Variants in TTC38 observed in about 807,000 individuals in gnomAD.
TTC38 encodes tetratricopeptide repeat domain 38, also known as tetratricopeptide repeat protein 38.
TTC38 carries 64 observed loss-of-function variants against 64.2 expected under a neutral mutation model. That is an observed-to-expected ratio of 1.00 (90% confidence interval 0.81 to 1.23). TTC38 has a LOEUF of 1.23. TTC38 is among the 50% of genes most tolerant of loss of function. The probability of loss-of-function intolerance (pLI) is 0.00; values close to 1 mark genes in which losing one functional copy is unlikely to be tolerated. For missense variants in TTC38, 573 were observed against 615.5 expected (o/e 0.93, Z 0.73); for synonymous variants, 254 against 249.3 (o/e 1.02, Z -0.18).
At chr22:46,287,183 C>G in intron 10 of TTC38, 29 bp downstream of exon 10, 2 of 1,569,260 alleles carry the variant, frequency 1.3e-6, no homozygotes, top group Non-Finnish European at 1.7e-6. Flanking sequence ...CCACTGGCTT[C>G]TGCCTCTTCC....
intron 6 of TTC38, among the ~76,000 whole-genome samples, chr22:46,279,562 C>T (rs1037443202): frequency 1.3e-5 from 2 of 152,242 alleles, no homozygotes; most frequent in Non-Finnish European, 2.9e-5. Context: ...TCCCAACATC[C>T]TGGCTGGGGT....
At position 46,268,508 on chromosome 22, in the gene TTC38, C is replaced by T; in HGVS notation, c.34-6C>T. The T allele has an allele frequency of 1.9e-6, 3 of 1,614,092 alleles. No homozygotes were observed. The highest frequency in any genetic ancestry group is 2.5e-6 in the Non-Finnish European group (3 of 1,180,012). On this transcript the variant is annotated splice_polypyrimidine_tract_variant and splice_region_variant and intron_variant, in intron 1 of 13. Coordinates refer to ENST00000381031, the MANE Select transcript of TTC38 (RefSeq NM_017931.4). ...GGCACTGCTATTCCCTTCTTGCCGT[C>T]TGTAGGCCTGGAAGGATGCGAGGCT...
intron 10 of TTC38, among the ~76,000 whole-genome samples, chr22:46,287,864 G>A (rs1245746282): frequency 6.6e-6 from 1 of 152,236 alleles, no homozygotes; most frequent in Non-Finnish European, 1.5e-5. Flanking sequence ...CAGAGACAAG[G>A]GAAAGAGTTA....
intron 5 of TTC38, 115 bp from the exon 6 acceptor site, chr22:46,278,471 A>G: frequency 2.4e-6 from 2 of 849,304 alleles, no homozygotes; most frequent in Non-Finnish European, 4.0e-6. Flanking sequence ...ATTTCCAAAA[A>G]AGGTCACATT....
intron 11 of TTC38, 133 bp from the exon 12 acceptor site, chr22:46,289,269 G>GTCACC: frequency 8.5e-7 from 1 of 1,183,056 alleles, no homozygotes; most frequent in Non-Finnish European, 1.2e-6. Context: ...TGCCCCGCCT[G>GTCACC]TCACCTCACC....
chr22:46,268,635 A>G, intron 2 of TTC38, 44 bp downstream of exon 2: 1 of 1,576,666 alleles, frequency 6.3e-7, no homozygotes, highest in Non-Finnish European at 8.7e-7. Context: ...GTGGAGGTCT[A>G]GGGGAAGGTT....
In TTC38 at chr22:46,276,695, A is replaced by G. The variant is rs114818420; in HGVS notation, c.539+1274A>G. ...CCTGGGCAGCAGAGCAAGACTCTGT[A>G]TCTAAAAGAATATATATATTAAAAA... On this transcript the variant is annotated intron_variant, in intron 5 of 13. Coordinates refer to ENST00000381031, the MANE Select transcript of TTC38 (RefSeq NM_017931.4). This position sits in a 1 kb window ranked among gnomAD's most constrained non-coding sequence, Gnocchi z 4.7. Among the ~76,000 whole-genome samples, 1 of 147,942 alleles carries G rather than the reference A, an allele frequency of 6.8e-6. No individual in the cohort carries two copies. The highest frequency in any genetic ancestry group is 1.5e-5 in the Non-Finnish European group (1 of 67,294).
intron 9 of TTC38, among the ~76,000 whole-genome samples, chr22:46,285,778 C>T (rs1040564542): frequency 6.6e-5 from 10 of 151,602 alleles, no homozygotes; most frequent in African/African-American, 1.7e-4. Flanking sequence ...TTTGGGAGTC[C>T]GAGGCAGGTG....
At position 46,268,061 on chromosome 22, in the gene TTC38, C is replaced by T; in HGVS notation, c.22C>T (p.Arg8Cys). Residue 8 changes from arginine (R) to cysteine (C), a missense_variant, in exon 1 of 14, where the codon CGC (arginine) becomes TGC (cysteine). Around this residue, in one of 3 missense-constraint regions of TTC38, gnomAD observed 134 missense variants for 126.5 expected, o/e 1.06. Transcript: ENST00000381031. ...CAACATGGCCGCAGCCTCGCCTCTG[C>T]GCGACTGCCAGGTACACGGAGGCTG... MAAASPLRDCQAWKDARL... is the reference protein window; with the variant it reads MAAASPLCDCQAWKDARL... 6.5e-7 allele frequency: 1 copy of T among 1,543,998 alleles called. No homozygotes were observed. Among genetic ancestry groups the T allele is most frequent in the African/African-American group, 1.4e-5 (1 of 72,220 alleles).
Position 46,278,681 on chromosome 22 carries a change from G to C in TTC38, c.615+20G>C. 6.2e-7 allele frequency: 1 copy of C among 1,606,614 alleles called. No individual in the cohort carries two copies. Among genetic ancestry groups the C allele is most frequent in the Non-Finnish European group, 8.5e-7 (1 of 1,173,238 alleles). ...AAAGAGGTAAGTGGGTCCTTCCTAA[G>C]GTGCCTGACCCCTCAGGGAGTAGCC... On this transcript the variant is annotated intron_variant, in intron 6 of 13. Transcript: ENST00000381031.
chr22:46,279,071 T>G (rs1326555649), intron 6 of TTC38, among the ~76,000 whole-genome samples: 1 of 152,254 alleles, frequency 6.6e-6, no homozygotes, highest in African/African-American at 2.4e-5. Context: ...GCGTTGGCTC[T>G]TCCTTCCTGA....
At chr22:46,279,461 A>G (rs2077517447) in intron 6 of TTC38, among the ~76,000 whole-genome samples, 1 of 152,172 alleles carries the variant, frequency 6.6e-6, no homozygotes, top group Admixed American at 6.5e-5. Flanking sequence ...GAGCCTGCCT[A>G]AGACCACATG....
Position 46,275,561 on chromosome 22 carries a change from G to C in TTC38, c.539+140G>C, listed in dbSNP as rs1936991043. Reference sequence around the variant, plus strand: ...TCTCCTAGTTCCTTAAAGTTCAAAGGCCTCATTTTCTTCACTTGATTTTCA... The same window carrying C: ...TCTCCTAGTTCCTTAAAGTTCAAAGCCCTCATTTTCTTCACTTGATTTTCA... On this transcript the variant is annotated intron_variant, in intron 5 of 13. Coordinates refer to ENST00000381031, the MANE Select transcript of TTC38 (RefSeq NM_017931.4). This position sits in a 1 kb window ranked among gnomAD's most constrained non-coding sequence, Gnocchi z 4.5. The C allele has an allele frequency of 2.4e-6, 2 of 819,188 alleles. No individual in the cohort carries two copies. The highest frequency in any genetic ancestry group is 1.9e-6 in the Non-Finnish European group (1 of 534,774). 50.7% of individuals were successfully genotyped at this position (819,188 alleles called of 1,614,324 possible). A position where few individuals can be genotyped will look rare whatever the true frequency, so the allele number is the denominator to read the frequency against.
In TTC38 at chr22:46,281,851, C is replaced by T. The variant is rs114865718; in HGVS notation, c.735+133C>T. The T allele has an allele frequency of 2.4e-3, 2,900 of 1,215,610 alleles. 56 individuals are homozygous for T. The African/African-American group carries it at 0.039, about 16-fold the overall frequency. The allele number at this position is 1,215,610 out of a possible 1,614,324, so 75.3% of individuals were successfully genotyped here. ...GTTCCCTCTCCTCCTCCACCTGCAC[C>T]TGCCTCAGGTGTTTGGCTGCTGAGC... On this transcript the variant is annotated intron_variant, in intron 7 of 13. Coordinates refer to ENST00000381031, the MANE Select transcript of TTC38 (RefSeq NM_017931.4). The surrounding 1 kb of genome is among the most constrained non-coding windows in gnomAD (Gnocchi z 5.2).
chr22:46,268,912 C>T (rs1936827327), intron 2 of TTC38: 1 of 349,216 alleles, frequency 2.9e-6, no homozygotes, highest in South Asian at 2.2e-5. Flanking sequence ...TGGTCTCGAT[C>T]TCCTGACCTC....
At chr22:46,285,881 G>C (rs2147798787) in intron 9 of TTC38, among the ~76,000 whole-genome samples, 1 of 151,790 alleles carries the variant, frequency 6.6e-6, no homozygotes, top group East Asian at 1.9e-4. Context: ...TAGGCGTGGT[G>C]GTGGGCACCT....
At position 46,268,044 on chromosome 22, in the gene TTC38, C is replaced by A. The variant is rs954280714; in HGVS notation, c.5C>A (p.Ala2Asp). 15 of 1,542,404 alleles carry A rather than the reference C, an allele frequency of 9.7e-6. No individual in the cohort carries two copies. Among genetic ancestry groups the A allele is most frequent in the Non-Finnish European group, 1.3e-5 (15 of 1,150,678 alleles). The change falls in exon 1 of 14, where the codon GCC becomes GAC. Residue 2 changes from alanine (A) to aspartate (D), a missense_variant. By Grantham distance (126) the Ala-to-Asp change is moderately radical. Coordinates refer to ENST00000381031, the MANE Select transcript of TTC38 (RefSeq NM_017931.4). Reference protein sequence around the residue: MAAASPLRDCQA... With the variant: MDAASPLRDCQA... ...TGGACTCCGACCCGGCGCAACATGG[C>A]CGCAGCCTCGCCTCTGCGCGACTGC...
chr22:46,268,413 T>C, intron 1 of TTC38, 101 bp from the exon 2 acceptor site: 2 of 1,263,826 alleles, frequency 1.6e-6, no homozygotes, highest in Non-Finnish European at 2.3e-6. Flanking sequence ...ATTTTACAGA[T>C]GAGGAAGGTG....
rs1057291319 is a variant in TTC38, at chr22:46,291,381, G to T, written c.1317-1410G>T. Among the ~76,000 whole-genome samples, 1 of 152,116 alleles carries T rather than the reference G, an allele frequency of 6.6e-6. No homozygotes were observed. The highest frequency in any genetic ancestry group is 6.5e-5 in the Admixed American group (1 of 15,272). On this transcript the variant is annotated intron_variant, in intron 13 of 13. Transcript: ENST00000381031. The surrounding 1 kb of genome is among the most constrained non-coding windows in gnomAD (Gnocchi z 4.6). ...GATGTGGCCTTCTGCGGGGCCCAGTGGGGGAGGGCAGGGGGAGAGCAGGCT... is the reference window on the plus strand; with the variant it reads ...GATGTGGCCTTCTGCGGGGCCCAGTTGGGGAGGGCAGGGGGAGAGCAGGCT...
Sources: gnomAD v4.1 joint callset for allele counts (sites outside exome capture counted in the v4.1 genomes callset) on GRCh38, gnomAD v4.1.1 for gene constraint, gnomAD v4.1.1 regional missense constraint, Gnocchi (gnomAD v3.1) non-coding constraint, MANE v1.5 for transcripts, NCBI Gene and HGNC (gene_info 2026-07-23, HGNC 2026-07-21) for gene names.